The following NOVA1 variants were observed in gnomAD, a reference collection of about 807,000 sequenced individuals.
NOVA1 encodes the protein NOVA alternative splicing regulator 1.
In NOVA1, 7 loss-of-function variants were observed where a neutral mutation model predicts 38.0. The observed-to-expected ratio is 0.18, with a 90% CI of 0.10 to 0.35. The LOEUF (loss-of-function observed/expected upper bound fraction) is 0.35. NOVA1 is among the 10% of genes least tolerant of loss of function. NOVA1 has a pLI of 1.00. For synonymous variants in NOVA1, 270 were observed against 232.5 expected, an observed-to-expected ratio of 1.16 and a Z score of -1.47; for missense variants, 460 against 616.0, an observed-to-expected ratio of 0.75 and a Z score of 2.68.
chr14:26,558,493 A>G (rs576646271), intron 2 of NOVA1, among the ~76,000 whole-genome samples: 83 of 152,262 alleles, frequency 5.5e-4, no homozygotes, highest in Middle Eastern at 3.4e-3. Context: ...TGCTCTAAAA[A>G]ACAGTCCATT....
intron 4 of NOVA1, among the ~76,000 whole-genome samples, chr14:26,462,974 A>G (rs1465044701): frequency 1.3e-5 from 2 of 152,194 alleles, no homozygotes; most frequent in African/African-American, 4.8e-5. Context: ...CATCACTCTA[A>G]TAATACATGA....
Position 26,461,190 on chromosome 14 carries a change from T to C in NOVA1, c.519+11130A>G, listed in dbSNP as rs190057390. Among the ~76,000 whole-genome samples, 200 of 152,290 alleles carry C rather than the reference T, an allele frequency of 1.3e-3. 1 individual carries two copies. Among genetic ancestry groups the C allele is most frequent in the Non-Finnish European group, 2.1e-3 (146 of 68,020 alleles). ...CACAGGATTCTATGCATTTTACCAA[T>C]GCCTGAGCCATATATGGGATGTAAA... On this transcript the variant is annotated intron_variant, in intron 4 of 4. Coordinates refer to ENST00000539517, the MANE Select transcript of NOVA1 (RefSeq NM_002515.3).
At chr14:26,558,887 A>T (rs1891649627) in intron 2 of NOVA1, among the ~76,000 whole-genome samples, 1 of 152,136 alleles carries the variant, frequency 6.6e-6, no homozygotes, top group Non-Finnish European at 1.5e-5. Flanking sequence ...TTAGGATGGA[A>T]TAAGGTAATA....
rs184360586 is a variant in NOVA1, at chr14:26,449,489, T to A, written c.520-526A>T. Among the ~76,000 whole-genome samples the A allele has an allele frequency of 2.8e-3, 431 of 152,270 alleles. 2 individuals are homozygous for A. Among genetic ancestry groups the A allele is most frequent in the African/African-American group, 0.01 (418 of 41,556 alleles). On this transcript the variant is annotated intron_variant, in intron 4 of 4. Transcript: ENST00000539517. ...GTTCCTTATCACCCAGTAATTTTTT[T>A]GTTATTAAAGATAGCTTACTTGTTT...
intron 2 of NOVA1, among the ~76,000 whole-genome samples, chr14:26,527,880 T>C (rs1412444010): frequency 6.6e-6 from 1 of 152,218 alleles, no homozygotes; most frequent in Non-Finnish European, 1.5e-5. Context: ...GGACCTTTTA[T>C]GTCCCATATC....
intron 2 of NOVA1, among the ~76,000 whole-genome samples, chr14:26,497,094 A>G (rs1002145631): frequency 6.6e-6 from 1 of 152,214 alleles, no homozygotes; most frequent in Admixed American, 6.5e-5. Flanking sequence ...CAACTTCTGC[A>G]AAGTCTCAGG....
chr14:26,578,536 G>C (rs1893009251), intron 2 of NOVA1, among the ~76,000 whole-genome samples: 1 of 152,090 alleles, frequency 6.6e-6, no homozygotes, highest in Non-Finnish European at 1.5e-5. Context: ...TAGGCACATA[G>C]TTTAACAAAA....
chr14:26,498,980 T>G (rs1056010317), intron 2 of NOVA1, among the ~76,000 whole-genome samples: 1 of 152,116 alleles, frequency 6.6e-6, no homozygotes, highest in Non-Finnish European at 1.5e-5. Context: ...ATATGTAGAA[T>G]CTACCAAAAA....
In NOVA1 at chr14:26,543,892, T is replaced by C. The variant is rs188723714; in HGVS notation, c.280+51518A>G. Among the ~76,000 whole-genome samples the C allele has an allele frequency of 3.3e-3, 502 of 152,100 alleles. 5 individuals carry two copies. Among genetic ancestry groups the C allele is most frequent in the African/African-American group, 0.011 (475 of 41,570 alleles). ...TTGCTCAGGCTATCTTTAGCTCACC[T>C]TTCAAATAAAAACTATAAACATATA... On this transcript the variant is annotated intron_variant, in intron 2 of 4. Transcript: ENST00000539517.
At chr14:26,466,858 G>A (rs1294288242) in intron 4 of NOVA1, among the ~76,000 whole-genome samples, 2 of 152,150 alleles carry the variant, frequency 1.3e-5, no homozygotes, top group Non-Finnish European at 2.9e-5. Flanking sequence ...TGTCTTCTGC[G>A]ATTTCAAGAC....
intron 1 of NOVA1, 102 bp downstream of exon 1, chr14:26,597,199 G>A: frequency 8.7e-7 from 1 of 1,146,606 alleles, no homozygotes; most frequent in Non-Finnish European, 1.1e-6. Flanking sequence ...TGTCCGGGCC[G>A]CGGGAGGGAG....
At chr14:26,470,696 T>C (rs1190238216) in intron 4 of NOVA1, among the ~76,000 whole-genome samples, 2 of 152,094 alleles carry the variant, frequency 1.3e-5, no homozygotes, top group Admixed American at 6.6e-5. Context: ...AACCATTTTA[T>C]AAAGATTCAC....
intron 2 of NOVA1, among the ~76,000 whole-genome samples, chr14:26,571,626 A>T (rs1363639185): frequency 6.6e-6 from 1 of 152,190 alleles, no homozygotes; most frequent in Non-Finnish European, 1.5e-5. Flanking sequence ...CCTACAACAG[A>T]GTTAACTAAG....
intron 4 of NOVA1, among the ~76,000 whole-genome samples, chr14:26,464,146 T>C (rs890849364): frequency 3.9e-5 from 6 of 152,194 alleles, no homozygotes; most frequent in Non-Finnish European, 7.3e-5. Flanking sequence ...TTTTTCTTTA[T>C]CATACATTAA....
chr14:26,574,948 G>C (rs773969893), intron 2 of NOVA1, among the ~76,000 whole-genome samples: 1 of 152,144 alleles, frequency 6.6e-6, no homozygotes, highest in Non-Finnish European at 1.5e-5. Flanking sequence ...ACAGGCGTGA[G>C]CCACTGAGCC....
intron 2 of NOVA1, among the ~76,000 whole-genome samples, chr14:26,524,739 G>A (rs1889176751): frequency 6.6e-6 from 1 of 152,038 alleles, no homozygotes; most frequent in African/African-American, 2.4e-5. Context: ...TCTTTAATGT[G>A]GTTTTCCATA....
chr14:26,499,671 TA>T (rs1293116887), intron 2 of NOVA1, among the ~76,000 whole-genome samples: 1 of 152,116 alleles, frequency 6.6e-6, no homozygotes, highest in Non-Finnish European at 1.5e-5. Context: ...GGGACACAAC[TA>T]ATCTATCCAA....
intron 2 of NOVA1, among the ~76,000 whole-genome samples, chr14:26,521,331 A>G (rs1045010433): frequency 6.6e-6 from 1 of 152,166 alleles, no homozygotes; most frequent in African/African-American, 2.4e-5. Context: ...CAGTAAACTC[A>G]AAGTAAAAAT....
chr14:26,543,485 T>C (rs1890596932), intron 2 of NOVA1, among the ~76,000 whole-genome samples: 2 of 151,826 alleles, frequency 1.3e-5, no homozygotes, highest in Admixed American at 6.6e-5. Context: ...AGTAATATAA[T>C]AACACATGAA....
Sources: gnomAD v4.1 joint callset for allele counts (sites outside exome capture counted in the v4.1 genomes callset) on GRCh38, gnomAD v4.1.1 for gene constraint, MANE v1.5 for transcripts, NCBI Gene and HGNC (gene_info 2026-07-23, HGNC 2026-07-21) for gene names.